The following DPYSL5 variants were observed in gnomAD, a reference collection of about 807,000 sequenced individuals.
DPYSL5 encodes dihydropyrimidinase like 5.
In DPYSL5, 9 loss-of-function variants were observed where a neutral mutation model predicts 58.4. The ratio of observed to expected loss-of-function variants is 0.15; its 90% confidence interval spans 0.09 to 0.27. The LOEUF is 0.27. Among genes scored for constraint, DPYSL5 ranks in the 10% least tolerant of loss-of-function variants. DPYSL5 has a pLI of 1.00. For synonymous variants in DPYSL5, 293 were observed against 301.9 expected, an observed-to-expected ratio of 0.97 and a Z score of 0.31; for missense variants, 499 against 770.6, an observed-to-expected ratio of 0.65 and a Z score of 4.17.
At chr2:26,915,952 G>T (rs571036321) in intron 2 of DPYSL5, among the ~76,000 whole-genome samples, 263 of 152,154 alleles carry the variant, frequency 1.7e-3, no homozygotes, top group African/African-American at 6.1e-3. Context: ...GCCCCTATTT[G>T]GGGGAGAATT....
chr2:26,856,534 T>C (rs1394360366), intron 1 of DPYSL5, among the ~76,000 whole-genome samples: 1 of 152,174 alleles, frequency 6.6e-6, no homozygotes, highest in African/African-American at 2.4e-5. Context: ...GTGTCAGTTA[T>C]GTTGCTAATG....
At chr2:26,863,038 C>T (rs897710971) in intron 1 of DPYSL5, among the ~76,000 whole-genome samples, 1 of 152,162 alleles carries the variant, frequency 6.6e-6, no homozygotes, top group African/African-American at 2.4e-5. Flanking sequence ...CTGAGGGCCT[C>T]TCTCCAACAC....
chr2:26,861,608 G>T (rs1437753662), intron 1 of DPYSL5, among the ~76,000 whole-genome samples: 1 of 152,186 alleles, frequency 6.6e-6, no homozygotes, highest in African/African-American at 2.4e-5. Context: ...CTCGGATGAT[G>T]GGTTAGGAAG....
intron 1 of DPYSL5, among the ~76,000 whole-genome samples, chr2:26,873,185 G>A (rs1460228768): frequency 6.6e-6 from 1 of 151,736 alleles, no homozygotes; most frequent in Non-Finnish European, 1.5e-5. Context: ...ACATTGTTGA[G>A]GTATAATTTA....
At chr2:26,920,687 C>T (rs1433536789) in intron 2 of DPYSL5, among the ~76,000 whole-genome samples, 5 of 152,228 alleles carry the variant, frequency 3.3e-5, no homozygotes, top group African/African-American at 1.2e-4. Context: ...ATCACTTGAA[C>T]TCGGGAGGCG....
chr2:26,944,673 A>G lies in DPYSL5; in HGVS notation c.1458A>G (p.Gly486=). 1 of 1,613,866 alleles carries G rather than the reference A, an allele frequency of 6.2e-7. No individual in the cohort carries two copies. The highest frequency in any genetic ancestry group is 8.5e-7 in the Non-Finnish European group (1 of 1,179,886). Residue 486 remains glycine, a synonymous_variant, in exon 12 of 13, where the codon GGA becomes GGG. Coordinates refer to ENST00000288699, the MANE Select transcript of DPYSL5 (RefSeq NM_020134.4). This position sits in a 1 kb window ranked among gnomAD's most constrained non-coding sequence, Gnocchi z 4.4. ...TTCCCTAGACTTTAAAGGTTAGAGG[A>G]GTGGACCGCACTCCCTACCTGGGGG... ...VQREKTLKVR[G]VDRTPYLGDV...
chr2:26,942,543 G>T lies in DPYSL5; in HGVS notation c.1233G>T (p.Lys411Asn). The change falls in exon 11 of 13, where the codon AAG (lysine) becomes AAT (asparagine). Residue 411 changes from lysine (K) to asparagine (N), a missense_variant and splice_region_variant. Coordinates refer to ENST00000288699, the MANE Select transcript of DPYSL5 (RefSeq NM_020134.4). This position sits in a 1 kb window ranked among gnomAD's most constrained non-coding sequence, Gnocchi z 5.9. Reference protein sequence around the residue: ...DVVVWDPEATKTISASTQVQG... With the variant: ...DVVVWDPEATNTISASTQVQG... ...TCTCCCGCCATTGCCTCCCCACCAG[G>T]ACCATCTCAGCCAGCACGCAGGTCC... 1.2e-6 allele frequency: 2 copies of T among 1,613,648 alleles called. No individual in the cohort carries two copies. Among genetic ancestry groups the T allele is most frequent in the South Asian group, 2.2e-5 (2 of 90,940 alleles).
intron 1 of DPYSL5, among the ~76,000 whole-genome samples, chr2:26,890,636 T>C (rs2148131468): frequency 6.6e-6 from 1 of 152,334 alleles, no homozygotes; most frequent in South Asian, 2.1e-4. Flanking sequence ...CCCCTCCTTC[T>C]GTATGGCTCA....
At chr2:26,892,673 A>C (rs910184385) in intron 1 of DPYSL5, among the ~76,000 whole-genome samples, 2 of 151,908 alleles carry the variant, frequency 1.3e-5, no homozygotes, top group East Asian at 1.9e-4. Context: ...ACTAAAAAAA[A>C]AAAACAAAAA....
In DPYSL5 at chr2:26,916,665, G is replaced by T. The variant is rs535101988; in HGVS notation, c.262-8222G>T. 4.6e-5 allele frequency among the ~76,000 whole-genome samples: 7 copies of T among 152,306 alleles called. No individual in the cohort carries two copies. The South Asian group carries it at 1.4e-3, about 32-fold the overall frequency. ...TTCCTACCTTGGAGCATCCTGGCCT[G>T]GTCAAGTCATGCCTATCCACCACTC... is the stretch of plus-strand genomic sequence containing the variant. On this transcript the variant is annotated intron_variant, in intron 2 of 12. Coordinates refer to ENST00000288699, the MANE Select transcript of DPYSL5 (RefSeq NM_020134.4).
intron 8 of DPYSL5, among the ~76,000 whole-genome samples, chr2:26,935,790 C>T (rs995466722): frequency 1.3e-5 from 2 of 152,062 alleles, no homozygotes; most frequent in Admixed American, 6.5e-5. Flanking sequence ...TCCTTCCCTC[C>T]TGATCCCCAG....
intron 1 of DPYSL5, among the ~76,000 whole-genome samples, chr2:26,897,152 T>C (rs1664041932): frequency 6.6e-6 from 1 of 152,216 alleles, no homozygotes; most frequent in Non-Finnish European, 1.5e-5. Flanking sequence ...TCAATCTATA[T>C]GCTGTTTATT....
chr2:26,873,638 G>A (rs879528939), intron 1 of DPYSL5, among the ~76,000 whole-genome samples: 1 of 152,200 alleles, frequency 6.6e-6, no homozygotes, highest in Admixed American at 6.5e-5. Context: ...GTCTGCAGGC[G>A]AAATCCAGGC....
intron 2 of DPYSL5, among the ~76,000 whole-genome samples, chr2:26,903,912 G>T (rs1664223383): frequency 6.6e-6 from 1 of 152,206 alleles, no homozygotes. Context: ...TCAAACAGAA[G>T]TCAGTCCACT....
Position 26,933,545 on chromosome 2 carries a change from G to A in DPYSL5, c.790+212G>A, listed in dbSNP as rs1665091255. 6.6e-6 allele frequency among the ~76,000 whole-genome samples: 1 copy of A among 152,192 alleles called. No individual in the cohort carries two copies. ...CATGAGCTTTTTCTTCTGCAAATTT[G>A]TATGCATAACAGCTTTACGGAAGTG... On this transcript the variant is annotated intron_variant, in intron 7 of 12. Coordinates refer to ENST00000288699, the MANE Select transcript of DPYSL5 (RefSeq NM_020134.4). This position sits in a 1 kb window ranked among gnomAD's most constrained non-coding sequence, Gnocchi z 4.2.
At chr2:26,855,452 G>A (rs920219726) in intron 1 of DPYSL5, among the ~76,000 whole-genome samples, 1 of 151,982 alleles carries the variant, frequency 6.6e-6, no homozygotes, top group African/African-American at 2.4e-5. Context: ...TCTGGCCCAA[G>A]TAAGATTGAG....
At chr2:26,928,115 G>A (rs560943298) in intron 4 of DPYSL5, 140 bp from the exon 5 acceptor site, 23 of 856,832 alleles carry the variant, frequency 2.7e-5, no homozygotes, top group Non-Finnish European at 3.9e-5. Flanking sequence ...TTTAGAAGAC[G>A]AACACTGCAG....
chr2:26,937,716 G>A (rs898457070), intron 8 of DPYSL5, among the ~76,000 whole-genome samples: 1 of 151,604 alleles, frequency 6.6e-6, no homozygotes, highest in African/African-American at 2.4e-5. Context: ...GGGGCTACAC[G>A]TGTGCACCAC....
chr2:26,928,711 A>ACACACACACACACACACACACACACG (rs1484391295), intron 5 of DPYSL5, among the ~76,000 whole-genome samples: 1 of 84,942 alleles, frequency 1.2e-5, no homozygotes, highest in Non-Finnish European at 2.6e-5. Flanking sequence ...ATATACACAC[A>ACACACACACACACACACACACACACG]CACACATACA....
Sources: allele counts gnomAD v4.1 joint callset (sites outside exome capture counted in the v4.1 genomes callset), GRCh38; gene constraint gnomAD v4.1.1; non-coding constraint Gnocchi (gnomAD v3.1); transcripts MANE v1.5; gene names NCBI Gene and HGNC (gene_info 2026-07-23, HGNC 2026-07-21).